The following COL5A2 variants were observed in gnomAD, a reference collection of about 807,000 sequenced individuals.
The protein encoded by COL5A2 is collagen alpha-2(V) chain.
In COL5A2, 23 loss-of-function variants were observed where a neutral mutation model predicts 208.2. The ratio of observed to expected loss-of-function variants is 0.11; its 90% CI spans 0.08 to 0.16. COL5A2 has a LOEUF of 0.16. Among genes scored for constraint, COL5A2 ranks in the 10% least tolerant of loss-of-function variants. COL5A2 has a pLI of 1.00. For missense variants in COL5A2, 1,590 were observed against 1,956.4 expected, an observed-to-expected ratio of 0.81 and a Z score of 3.53; for synonymous variants, 625 against 628.5, an observed-to-expected ratio of 0.99 and a Z score of 0.08.
chr2:189,312,083 C>T, the COL5A2 span: 1 of 778,410 alleles, frequency 1.3e-6, no homozygotes, highest in Non-Finnish European at 2.3e-6. Context: ...TGTCGATCTG[C>T]AGAATGATGC....
chr2:189,377,632 C>T, the COL5A2 span, among the ~76,000 whole-genome samples: 33 of 152,220 alleles, frequency 2.2e-4, no homozygotes, highest in Non-Finnish European at 1.0e-4. Context: ...AATCTCCCTA[C>T]TCCATTATCA....
At chr2:189,318,050 T>C in the COL5A2 span, among the ~76,000 whole-genome samples, 11 of 152,328 alleles carry the variant, frequency 7.2e-5, no homozygotes, top group South Asian at 1.9e-3. Context: ...CTCAGAGCTC[T>C]GGAATTCTCT....
the COL5A2 span, among the ~76,000 whole-genome samples, chr2:189,360,241 G>A: frequency 6.6e-6 from 1 of 151,906 alleles, no homozygotes; most frequent in Non-Finnish European, 1.5e-5. Flanking sequence ...TGTATGCTCA[G>A]CACCTAGAAA....
the COL5A2 span, among the ~76,000 whole-genome samples, chr2:189,265,505 A>G: frequency 1.3e-5 from 2 of 152,176 alleles, no homozygotes; most frequent in Non-Finnish European, 2.9e-5. Flanking sequence ...TAAAGACACC[A>G]GTCAGTGGAT....
At chr2:189,164,387 A>G (rs1035675986) in intron 1 of COL5A2, among the ~76,000 whole-genome samples, 2 of 152,084 alleles carry the variant, frequency 1.3e-5, no homozygotes, top group African/African-American at 4.8e-5. Flanking sequence ...TCCTCAAGTC[A>G]AAGCCTCTAT....
chr2:189,128,254 C>T (rs1470787558), intron 1 of COL5A2, among the ~76,000 whole-genome samples: 1 of 151,898 alleles, frequency 6.6e-6, no homozygotes, highest in Non-Finnish European at 1.5e-5. Context: ...ACATACCTTG[C>T]TAGTTATGTT....
the COL5A2 span, among the ~76,000 whole-genome samples, chr2:189,306,826 T>C: frequency 1.3e-5 from 2 of 152,220 alleles, no homozygotes; most frequent in Admixed American, 1.3e-4. Context: ...CACTTGCTCT[T>C]GGTTAAAGTT....
At chr2:189,385,639 G>T in the COL5A2 span, among the ~76,000 whole-genome samples, 8 of 150,658 alleles carry the variant, frequency 5.3e-5, no homozygotes, top group Non-Finnish European at 1.0e-4. Flanking sequence ...AATTCATACA[G>T]AATCGAAAAA....
the COL5A2 span, among the ~76,000 whole-genome samples, chr2:189,376,787 C>A: frequency 7.9e-5 from 12 of 152,220 alleles, no homozygotes; most frequent in East Asian, 2.3e-3. Context: ...GCACTTATAT[C>A]CACCTGAATT....
chr2:189,103,112 A>C (rs1405691513), intron 3 of COL5A2, among the ~76,000 whole-genome samples: 2 of 114,728 alleles, frequency 1.7e-5, no homozygotes, highest in East Asian at 4.6e-4. Flanking sequence ...CTGTCTCTCT[A>C]TCTGTCTATC....
the COL5A2 span, among the ~76,000 whole-genome samples, chr2:189,377,596 C>T: frequency 6.6e-6 from 1 of 152,100 alleles, no homozygotes; most frequent in South Asian, 2.1e-4. Context: ...TGAGTTATAA[C>T]CAAGACCTCT....
At chr2:189,423,240 CA>C in the COL5A2 span, among the ~76,000 whole-genome samples, 12 of 151,870 alleles carry the variant, frequency 7.9e-5, no homozygotes, top group African/African-American at 2.9e-4. Flanking sequence ...ATAACAAAAG[CA>C]GTTTTAAGAG....
At chr2:189,385,535 A>G in the COL5A2 span, among the ~76,000 whole-genome samples, 3 of 152,196 alleles carry the variant, frequency 2.0e-5, no homozygotes, top group Non-Finnish European at 2.9e-5. Flanking sequence ...TATCATTAAA[A>G]TTGCCATACT....
chr2:189,254,252 G>A, the COL5A2 span, among the ~76,000 whole-genome samples: 1 of 151,672 alleles, frequency 6.6e-6, no homozygotes, highest in Admixed American at 6.6e-5. Flanking sequence ...TTAAGCAAAC[G>A]TCATGCTATA....
chr2:189,436,586 A>T, the COL5A2 span, among the ~76,000 whole-genome samples: 3 of 152,174 alleles, frequency 2.0e-5, no homozygotes, highest in Non-Finnish European at 4.4e-5. Flanking sequence ...AATACTGAAG[A>T]CGTGGAATCA....
At chr2:189,067,532 AT>A (rs1385560376) in intron 21 of COL5A2, among the ~76,000 whole-genome samples, 2 of 152,156 alleles carry the variant, frequency 1.3e-5, no homozygotes, top group Non-Finnish European at 2.9e-5. Context: ...TCATCAAAAT[AT>A]TTTTTCTAAT....
intron 1 of COL5A2, among the ~76,000 whole-genome samples, chr2:189,135,066 C>A (rs1687801669): frequency 6.6e-6 from 1 of 152,146 alleles, no homozygotes; most frequent in African/African-American, 2.4e-5. Context: ...TGTAATAAAT[C>A]TTCAATTCAA....
At chr2:189,271,829 C>A in the COL5A2 span, among the ~76,000 whole-genome samples, 1 of 152,078 alleles carries the variant, frequency 6.6e-6, no homozygotes, top group East Asian at 1.9e-4. Flanking sequence ...AACAAACAAC[C>A]TCATCAAAAA....
At chr2:189,134,339 C>CA (rs1293824606) in intron 1 of COL5A2, among the ~76,000 whole-genome samples, 1 of 152,184 alleles carries the variant, frequency 6.6e-6, no homozygotes, top group African/African-American at 2.4e-5. Flanking sequence ...CCTGTAATCC[C>CA]AGCACTTTGG....
Sources: allele counts gnomAD v4.1 joint callset (sites outside exome capture counted in the v4.1 genomes callset), GRCh38; gene constraint gnomAD v4.1.1; transcripts MANE v1.5; gene names NCBI Gene and HGNC (gene_info 2026-07-23, HGNC 2026-07-21).